TENM4: variants seen among roughly 807,000 people sequenced by gnomAD.
TENM4 encodes the protein teneurin-4.
A neutral mutation model predicts 243.3 loss-of-function variants in TENM4; 82 were observed. That is an observed-to-expected ratio of 0.34 (90% confidence interval 0.28 to 0.40). TENM4 has a LOEUF of 0.40. Ranked by LOEUF, TENM4 falls within the 10% of genes least tolerant of loss-of-function variation. The probability of loss-of-function intolerance (pLI) is 1.00; values close to 1 mark genes in which losing one functional copy is unlikely to be tolerated. For missense variants in TENM4, 3,138 were observed against 3,673.3 expected (o/e 0.85, Z 3.77); for synonymous variants, 1,412 against 1,456.3 (o/e 0.97, Z 0.69).
chr11:78,976,200 G>A lies in TENM4; in HGVS notation c.494-72677C>T, dbSNP rs1416314256. 3.3e-5 allele frequency among the ~76,000 whole-genome samples: 5 copies of A among 152,250 alleles called. No homozygotes were observed. The East Asian group carries it at 7.7e-4, about 23-fold the overall frequency. The stretch of plus-strand genomic sequence containing the variant: ...CTCAAAGCTACAGACCTAGTGAGGT[G>A]TGGATCTGGGCTTCCAGCCTAGGCC... On this transcript the variant is annotated intron_variant, in intron 6 of 33. Transcript: ENST00000278550.
At chr11:78,953,627 A>G (rs1163071415) in intron 6 of TENM4, among the ~76,000 whole-genome samples, 1 of 152,264 alleles carries the variant, frequency 6.6e-6, no homozygotes, top group African/African-American at 2.4e-5. Context: ...AAATTTAAAA[A>G]TACAATATAA....
intron 9 of TENM4, among the ~76,000 whole-genome samples, chr11:78,870,146 C>T (rs187738511): frequency 2.2e-4 from 33 of 152,308 alleles, no homozygotes; most frequent in South Asian, 4.1e-4. Flanking sequence ...TAATATCCAC[C>T]TCAAAGGATT....
rs534708185 is a variant in TENM4, at chr11:78,984,704, G to A, written c.493+80034C>T. Among the ~76,000 whole-genome samples the A allele has an allele frequency of 2.6e-3, 403 of 152,108 alleles. 3 individuals are homozygous for A. The highest frequency in any genetic ancestry group is 9.0e-3 in the African/African-American group (375 of 41,484). Reference sequence around the variant, plus strand: ...CTGCTGCTACGCTACCTCTACTACCGGTAACCACAGCCAATATGGCATAGT... The same window carrying A: ...CTGCTGCTACGCTACCTCTACTACCAGTAACCACAGCCAATATGGCATAGT... On this transcript the variant is annotated intron_variant, in intron 6 of 33. Transcript: ENST00000278550.
intron 2 of TENM4, among the ~76,000 whole-genome samples, chr11:79,277,458 TG>T (rs966114279): frequency 6.3e-4 from 96 of 152,342 alleles, no homozygotes; most frequent in African/African-American, 2.2e-3. Context: ...GAAAGTAACT[TG>T]CCCCCTGACA....
intron 1 of TENM4, among the ~76,000 whole-genome samples, chr11:79,318,094 A>G (rs1856830879): frequency 6.6e-6 from 1 of 152,194 alleles, no homozygotes; most frequent in Admixed American, 6.5e-5. Flanking sequence ...CATTTCTGAC[A>G]CTGGTTGATG....
chr11:79,271,553 C>T (rs1308956651), intron 2 of TENM4, among the ~76,000 whole-genome samples: 1 of 152,198 alleles, frequency 6.6e-6, no homozygotes, highest in African/African-American at 2.4e-5. Flanking sequence ...TACCTCCTTA[C>T]CTTCCCTCAT....
intron 1 of TENM4, among the ~76,000 whole-genome samples, chr11:79,373,892 C>T (rs1857837324): frequency 6.6e-6 from 1 of 152,124 alleles, no homozygotes; most frequent in Non-Finnish European, 1.5e-5. Flanking sequence ...GGCCTGATTA[C>T]TAGAGATTAC....
intron 1 of TENM4, among the ~76,000 whole-genome samples, chr11:79,428,215 C>T (rs1220850137): frequency 6.6e-6 from 1 of 152,196 alleles, no homozygotes; most frequent in Non-Finnish European, 1.5e-5. Flanking sequence ...GGTACCTATG[C>T]ACATTAAATG....
intron 12 of TENM4, among the ~76,000 whole-genome samples, chr11:78,849,447 CT>C (rs1259390346): frequency 6.6e-6 from 1 of 152,156 alleles, no homozygotes; most frequent in Non-Finnish European, 1.5e-5. Flanking sequence ...GTCAACCAAG[CT>C]TTCTGAGCCT....
At chr11:78,893,780 T>TACATACACACACACACACACAC (rs1555097811) in intron 7 of TENM4, among the ~76,000 whole-genome samples, 13 of 142,756 alleles carry the variant, frequency 9.1e-5, no homozygotes, top group African/African-American at 3.6e-4. Context: ...GGACTTCACA[T>TACATACACACACACACACACAC]ACACACACAC....
At chr11:79,367,915 T>G (rs1857707617) in intron 1 of TENM4, among the ~76,000 whole-genome samples, 1 of 152,218 alleles carries the variant, frequency 6.6e-6, no homozygotes, top group Non-Finnish European at 1.5e-5. Context: ...TCAAGCCTCC[T>G]TTGTGTCAGA....
In TENM4 at chr11:78,890,131, TAG is replaced by T. The variant is rs1855629983; in HGVS notation, c.849-113_849-112del. 8 of 806,016 alleles carry T rather than the reference TAG, an allele frequency of 9.9e-6. No individual in the cohort carries two copies. The South Asian group carries it at 1.3e-4, about 13-fold the overall frequency. 49.9% of individuals were successfully genotyped at this position (806,016 alleles called of 1,614,324 possible). On this transcript the variant is annotated intron_variant, in intron 8 of 33. Coordinates refer to ENST00000278550, the MANE Select transcript of TENM4 (RefSeq NM_001098816.3). Reference sequence around the variant, plus strand: ...GAAGAAGCATGCAGAGGAGCCTGGATAGAGAGAGTCACCACAGAGACCTGGGA... The same window carrying T: ...GAAGAAGCATGCAGAGGAGCCTGGATAGAGAGTCACCACAGAGACCTGGGA...
At chr11:78,993,734 T>C (rs1277068226) in intron 6 of TENM4, among the ~76,000 whole-genome samples, 1 of 152,216 alleles carries the variant, frequency 6.6e-6, no homozygotes, top group African/African-American at 2.4e-5. Context: ...TCTATGAAGA[T>C]GTTCTGTTTG....
At chr11:79,177,919 C>A (rs1014698519) in intron 3 of TENM4, among the ~76,000 whole-genome samples, 5 of 152,082 alleles carry the variant, frequency 3.3e-5, no homozygotes, top group African/African-American at 1.2e-4. Context: ...GATGGGGAAC[C>A]TTTAGAAGGT....
rs1160821863 is a variant in TENM4, at chr11:78,745,231, T to TTC, written c.2757-6662_2757-6661insGA. Among the ~76,000 whole-genome samples, 536 of 148,342 alleles carry TTC rather than the reference T, an allele frequency of 3.6e-3. 2 individuals carry two copies. Among genetic ancestry groups the TTC allele is most frequent in the African/African-American group, 0.013 (512 of 40,332 alleles). ...CTCTTTCTTTTTTTTCTTTTTCTTTTTTTTTTTTTTTTTGAGACAAAGTCT... is the reference window on the plus strand; with the variant it reads ...CTCTTTCTTTTTTTTCTTTTTCTTTTTCTTTTTTTTTTTTTGAGACAAAGTCT... On this transcript the variant is annotated intron_variant, in intron 19 of 33. Coordinates refer to ENST00000278550, the MANE Select transcript of TENM4 (RefSeq NM_001098816.3).
At chr11:79,028,544 C>G (rs1859144977) in intron 6 of TENM4, among the ~76,000 whole-genome samples, 1 of 152,184 alleles carries the variant, frequency 6.6e-6, no homozygotes. Context: ...AAGGTTGGGT[C>G]TTTGTAATCC....
At chr11:78,817,795 T>C (rs924768761) in intron 12 of TENM4, among the ~76,000 whole-genome samples, 1 of 152,154 alleles carries the variant, frequency 6.6e-6, no homozygotes, top group South Asian at 2.1e-4. Context: ...TACTGAGTGG[T>C]TGTGAACCCT....
chr11:79,196,846 C>T (rs1863638421), intron 3 of TENM4, among the ~76,000 whole-genome samples: 1 of 152,136 alleles, frequency 6.6e-6, no homozygotes, highest in Non-Finnish European at 1.5e-5. Context: ...CCCACCTGAC[C>T]CACATTTCTA....
At chr11:79,040,165 C>T (rs143210346) in intron 6 of TENM4, among the ~76,000 whole-genome samples, 48 of 152,286 alleles carry the variant, frequency 3.2e-4, no homozygotes, top group African/African-American at 1.0e-3. Context: ...TGAGTGCAGA[C>T]CCGGTGCAAG....
Sources: gnomAD v4.1 joint callset for allele counts (sites outside exome capture counted in the v4.1 genomes callset) on GRCh38, gnomAD v4.1.1 for gene constraint, MANE v1.5 for transcripts, NCBI Gene and HGNC (gene_info 2026-07-23, HGNC 2026-07-21) for gene names.